KIF26B: variants seen among roughly 807,000 people sequenced by gnomAD.
KIF26B encodes the protein kinesin family member 26B.
A neutral mutation model predicts 151.2 loss-of-function variants in KIF26B; 63 were observed. The observed-to-expected ratio is 0.42, with a 90% CI of 0.34 to 0.51. The LOEUF is 0.51. Ranked by LOEUF, KIF26B falls within the 20% of genes least tolerant of loss-of-function variation. The probability of loss-of-function intolerance (pLI) is 0.07; values close to 1 mark genes in which losing one functional copy is unlikely to be tolerated. For synonymous variants in KIF26B, 1,357 were observed against 1,262.1 expected (o/e 1.08, Z -1.59); for missense variants, 2,813 against 2,913.6 (o/e 0.97, Z 0.79).
intron 10 of KIF26B, among the ~76,000 whole-genome samples, chr1:245,648,174 T>C (rs1572177680): frequency 6.6e-6 from 1 of 152,350 alleles, no homozygotes; most frequent in East Asian, 1.9e-4. Flanking sequence ...ATTGATTACA[T>C]ATCTTACTTA....
At chr1:245,537,918 AATC>A (rs1661522333) in intron 4 of KIF26B, among the ~76,000 whole-genome samples, 1 of 152,228 alleles carries the variant, frequency 6.6e-6, no homozygotes, top group Admixed American at 6.5e-5. Flanking sequence ...ATGTTATTTA[AATC>A]ATGATCCTGG....
intron 4 of KIF26B, among the ~76,000 whole-genome samples, chr1:245,445,179 G>T (rs1246781609): frequency 1.3e-5 from 2 of 152,092 alleles, no homozygotes; most frequent in African/African-American, 4.8e-5. Context: ...TCTCCTCCTT[G>T]GGCTGTTTGG....
intron 2 of KIF26B, among the ~76,000 whole-genome samples, chr1:245,277,950 T>A (rs1670968085): frequency 6.6e-6 from 1 of 152,080 alleles, no homozygotes; most frequent in Non-Finnish European, 1.5e-5. Context: ...AATAATTTCG[T>A]CATAGGCTGG....
intron 2 of KIF26B, among the ~76,000 whole-genome samples, chr1:245,255,096 A>T (rs1460479544): frequency 6.6e-6 from 1 of 152,180 alleles, no homozygotes; most frequent in Non-Finnish European, 1.5e-5. Flanking sequence ...GGTTTCTGAT[A>T]AAAAGATGAG....
chr1:245,201,574 C>T (rs1669301587), intron 2 of KIF26B, among the ~76,000 whole-genome samples: 2 of 152,194 alleles, frequency 1.3e-5, no homozygotes, highest in Admixed American at 1.3e-4. Flanking sequence ...AACCTAGAGG[C>T]AGAGGATAAC....
intron 3 of KIF26B, among the ~76,000 whole-genome samples, chr1:245,418,457 A>G (rs575281076): frequency 2.6e-5 from 4 of 152,370 alleles, no homozygotes; most frequent in Middle Eastern, 3.4e-3. Context: ...ATTCAGAGTA[A>G]TGGCTATTCT....
chr1:245,467,040 A>G (rs1558177778), intron 4 of KIF26B, among the ~76,000 whole-genome samples: 1 of 152,342 alleles, frequency 6.6e-6, no homozygotes, highest in East Asian at 1.9e-4. Context: ...ATTCAGCTAG[A>G]TAATAAAGTC....
intron 2 of KIF26B, among the ~76,000 whole-genome samples, chr1:245,219,497 C>CT (rs1023097708): frequency 1.3e-5 from 2 of 152,034 alleles, no homozygotes; most frequent in Admixed American, 1.3e-4. Context: ...CTTTGAGAGG[C>CT]TGAGGCAGGC....
rs1054912012 is a variant in KIF26B at position 245,239,632 on chromosome 1, T to A, written c.465+82949T>A. Among the ~76,000 whole-genome samples the A allele has an allele frequency of 6.6e-6, 1 of 152,052 alleles. No individual in the cohort carries two copies. The highest frequency in any genetic ancestry group is 2.4e-5 in the African/African-American group (1 of 41,414). ...AATTCTTCTGCTTTGGCCTCCATAG[T>A]AGCTGGGATTACAGGTGCCCGCCAC... On this transcript the variant is annotated intron_variant, in intron 2 of 14. Coordinates refer to ENST00000407071, the MANE Select transcript of KIF26B (RefSeq NM_018012.4). The surrounding 1 kb of genome is among the most constrained non-coding windows in gnomAD (Gnocchi z 4.3).
chr1:245,439,357 A>AAAAAT (rs67958255), intron 4 of KIF26B, among the ~76,000 whole-genome samples: 1 of 125,006 alleles, frequency 8.0e-6, no homozygotes, highest in Non-Finnish European at 1.6e-5. Flanking sequence ...AAAAAAAAAA[A>AAAAAT]AAAAAAGAAA....
chr1:245,469,584 T>G (rs1296166073), intron 4 of KIF26B, among the ~76,000 whole-genome samples: 1 of 152,208 alleles, frequency 6.6e-6, no homozygotes, highest in Non-Finnish European at 1.5e-5. Flanking sequence ...GACGAAACCA[T>G]GCTTTCTGTG....
In KIF26B at chr1:245,286,519, G is replaced by A. The variant is rs772273653; in HGVS notation, c.466-80315G>A. On this transcript the variant is annotated intron_variant, in intron 2 of 14. Transcript: ENST00000407071. ...ATGGCACCACTGCACTCTAGCCTGG[G>A]CGACAGAGTGAGACCCTGTCTAAAA... Among the ~76,000 whole-genome samples, 9 of 152,182 alleles carry A rather than the reference G, an allele frequency of 5.9e-5. 1 individual carries two copies. The highest frequency in any genetic ancestry group is 1.2e-4 in the Non-Finnish European group (8 of 68,036).
At chr1:245,499,005 A>G (rs1451639776) in intron 4 of KIF26B, among the ~76,000 whole-genome samples, 1 of 152,196 alleles carries the variant, frequency 6.6e-6, no homozygotes, top group African/African-American at 2.4e-5. Flanking sequence ...ACACAGTTAC[A>G]TTCATGAGGC....
chr1:245,561,834 C>G (rs2042955001), intron 5 of KIF26B, among the ~76,000 whole-genome samples: 1 of 152,112 alleles, frequency 6.6e-6, no homozygotes. Flanking sequence ...TGTAGGGTGC[C>G]TTTGGTTTAC....
At chr1:245,371,158 G>A (rs1673110679) in intron 3 of KIF26B, among the ~76,000 whole-genome samples, 1 of 152,202 alleles carries the variant, frequency 6.6e-6, no homozygotes, top group Non-Finnish European at 1.5e-5. Context: ...CAGTAATGAA[G>A]GGACCAGAGG....
chr1:245,383,478 A>C (rs1219303860), intron 3 of KIF26B, among the ~76,000 whole-genome samples: 2 of 152,198 alleles, frequency 1.3e-5, no homozygotes, highest in Non-Finnish European at 2.9e-5. Flanking sequence ...GTTTCTGTTC[A>C]AGACAACGGT....
chr1:245,162,152 C>G (rs1274703566), intron 2 of KIF26B, among the ~76,000 whole-genome samples: 1 of 152,186 alleles, frequency 6.6e-6, no homozygotes, highest in Non-Finnish European at 1.5e-5. Flanking sequence ...TCTGTTTTGT[C>G]CTCAAAAAGA....
At position 245,516,675 on chromosome 1, in the gene KIF26B, G is replaced by A. The variant is rs1383327973; in HGVS notation, c.1167-24092G>A. Reference sequence around the variant, plus strand: ...TAATGAGCCCGCAAGGCCTGTCTGTGCCTATTGGCTGCTCTAAAGGGAAGT... The same window carrying A: ...TAATGAGCCCGCAAGGCCTGTCTGTACCTATTGGCTGCTCTAAAGGGAAGT... On this transcript the variant is annotated intron_variant, in intron 4 of 14. Coordinates refer to ENST00000407071, the MANE Select transcript of KIF26B (RefSeq NM_018012.4). This position sits in a 1 kb window ranked among gnomAD's most constrained non-coding sequence, Gnocchi z 4.2. Among the ~76,000 whole-genome samples the A allele has an allele frequency of 6.6e-6, 1 of 152,156 alleles. No homozygotes were observed. Among genetic ancestry groups the A allele is most frequent in the African/African-American group, 2.4e-5 (1 of 41,434 alleles).
At chr1:245,175,987 G>GATATAGAT (rs938074099) in intron 2 of KIF26B, among the ~76,000 whole-genome samples, 1 of 147,676 alleles carries the variant, frequency 6.8e-6, no homozygotes, top group Admixed American at 6.8e-5. Flanking sequence ...TATATATATA[G>GATATAGAT]ATATAGATAT....
Sources: allele counts gnomAD v4.1 joint callset (sites outside exome capture counted in the v4.1 genomes callset), GRCh38; gene constraint gnomAD v4.1.1; non-coding constraint Gnocchi (gnomAD v3.1); transcripts MANE v1.5; gene names NCBI Gene and HGNC (gene_info 2026-07-23, HGNC 2026-07-21).